The following PCDHA6 variants were observed in gnomAD, a reference collection of about 807,000 sequenced individuals.
PCDHA6 encodes protocadherin alpha-6.
PCDHA6 carries 55 observed loss-of-function variants against 60.3 expected under a neutral mutation model. That is an observed-to-expected ratio of 0.91 (90% CI 0.73 to 1.14). PCDHA6 has a LOEUF of 1.14. PCDHA6 is among the 50% of genes most tolerant of loss of function. The pLI is 0.00. For missense variants in PCDHA6, 1,327 were observed against 1,256.5 expected (o/e 1.06, Z -0.85); for synonymous variants, 652 against 557.9 (o/e 1.17, Z -2.38).
intron 1 of PCDHA6, among the ~76,000 whole-genome samples, chr5:140,893,162 G>A (rs2063851714): frequency 6.6e-6 from 1 of 152,202 alleles, no homozygotes; most frequent in Non-Finnish European, 1.5e-5. Flanking sequence ...GGATATTGAG[G>A]TTGATTCCAC....
intron 1 of PCDHA6, chr5:140,883,426 C>T: frequency 6.2e-7 from 1 of 1,614,196 alleles, no homozygotes; most frequent in Non-Finnish European, 8.5e-7. Context: ...GACAGGTCAC[C>T]TGCACCTTGA....
intron 3 of PCDHA6, among the ~76,000 whole-genome samples, chr5:141,003,770 T>A (rs1365152633): frequency 6.6e-6 from 1 of 152,246 alleles, no homozygotes; most frequent in East Asian, 1.9e-4. Flanking sequence ...TCGTATTCTG[T>A]TAAATAAACT....
chr5:140,943,719 T>G (rs1198620937), intron 1 of PCDHA6, among the ~76,000 whole-genome samples: 2 of 152,126 alleles, frequency 1.3e-5, no homozygotes, highest in African/African-American at 4.8e-5. Context: ...TTTAAAGGTC[T>G]GAGAGAATGA....
intron 1 of PCDHA6, chr5:140,864,420 G>A (rs1430010861): frequency 5.3e-5 from 8 of 152,158 alleles, no homozygotes; most frequent in African/African-American, 1.4e-4. Flanking sequence ...AGGCAGCTTC[G>A]TCCACAAACA....
At chr5:140,831,362 A>ATG (rs2150193991) in intron 1 of PCDHA6, 80,403 of 149,344 alleles carry the variant, frequency 0.54, 21,753 homozygotes, top group Middle Eastern at 0.63. Flanking sequence ...ACTATTTTGT[A>ATG]TGTGTGTGTG....
intron 1 of PCDHA6, chr5:140,866,250 C>G (rs2049240306): frequency 6.6e-6 from 1 of 152,128 alleles, no homozygotes; most frequent in South Asian, 2.1e-4. Flanking sequence ...AAATGACACC[C>G]TTCTTTCTTT....
chr5:140,904,162 A>G (rs1554191325), intron 1 of PCDHA6, among the ~76,000 whole-genome samples: 1 of 152,028 alleles, frequency 6.6e-6, no homozygotes, highest in Non-Finnish European at 1.5e-5. Context: ...CCCAGTTTGT[A>G]GTCTTTTATT....
intron 1 of PCDHA6, chr5:140,856,667 C>T: frequency 6.3e-7 from 1 of 1,597,938 alleles, no homozygotes; most frequent in Non-Finnish European, 8.6e-7. Context: ...AAATCCTCAG[C>T]TAAAGTTGTT....
chr5:140,836,543 G>A lies in PCDHA6; in HGVS notation c.2394+6058G>A, dbSNP rs1209808083. On this transcript the variant is annotated intron_variant, in intron 1 of 3. Coordinates refer to ENST00000529310, the MANE Select transcript of PCDHA6 (RefSeq NM_018909.4). ...TGCTTACCCTGCTGCTGTACACGGC[G>A]TTGCGGTGCTCAGCGCCGTCCTCTG... 3 of 1,613,702 alleles carry A rather than the reference G, an allele frequency of 1.9e-6. No homozygotes were observed. The African/African-American group carries it at 4.0e-5, about 22-fold the overall frequency.
chr5:140,828,692 G>A lies in PCDHA6; in HGVS notation c.601G>A (p.Asp201Asn), dbSNP rs1373122002. The change falls in exon 1 of 4, where the codon GAC becomes AAC. Residue 201 changes from aspartate (D) to asparagine (N), a missense_variant. Physicochemically the swap from Asp to Asn is conservative, Grantham distance 23. Transcript: ENST00000529310. ...TGGGCTCTTATTAAAGAAATCCTTG[G>A]ACAGAGAGGAAGCTCCTGCACACAA... is the stretch of plus-strand genomic sequence containing the variant. ...QIGLLLKKSL[D>N]REEAPAHNLF... is the part of the protein sequence containing the mutation. 1.2e-6 allele frequency: 2 copies of A among 1,614,198 alleles called. No homozygotes were observed. The highest frequency in any genetic ancestry group is 1.7e-6 in the Non-Finnish European group (2 of 1,180,034).
At chr5:140,896,858 A>C (rs1448787828) in intron 1 of PCDHA6, among the ~76,000 whole-genome samples, 3 of 152,192 alleles carry the variant, frequency 2.0e-5, no homozygotes, top group Non-Finnish European at 4.4e-5. Context: ...TGGGTACATA[A>C]TAAGTGTACA....
intron 1 of PCDHA6, chr5:140,855,922 T>G: frequency 8.1e-7 from 1 of 1,227,842 alleles, no homozygotes; most frequent in South Asian, 1.5e-5. Flanking sequence ...GACTAGGAAG[T>G]AGCGTCATTC....
chr5:140,846,849 G>T (rs1318319896), intron 1 of PCDHA6, among the ~76,000 whole-genome samples: 1 of 149,562 alleles, frequency 6.7e-6, no homozygotes, highest in Non-Finnish European at 1.5e-5. Flanking sequence ...ACAATGCAAG[G>T]CAAGATAATG....
chr5:140,849,560 C>T, intron 1 of PCDHA6: 1 of 1,598,572 alleles, frequency 6.3e-7, no homozygotes, highest in Non-Finnish European at 8.6e-7. Context: ...TCAAAACGCT[C>T]TCGGTTCCTG....
intron 3 of PCDHA6, among the ~76,000 whole-genome samples, chr5:141,006,559 T>C (rs2098278096): frequency 6.6e-6 from 1 of 152,134 alleles, no homozygotes; most frequent in East Asian, 1.9e-4. Flanking sequence ...TAAAGATGAC[T>C]CTGGCTACTG....
chr5:140,971,420 TGAA>T (rs782149033), intron 1 of PCDHA6, among the ~76,000 whole-genome samples: 3 of 152,112 alleles, frequency 2.0e-5, no homozygotes, highest in Non-Finnish European at 4.4e-5. Flanking sequence ...GGAAATCCAG[TGAA>T]GAACCCCAAG....
At chr5:140,878,550 A>T (rs1483801784) in intron 1 of PCDHA6, among the ~76,000 whole-genome samples, 1 of 152,212 alleles carries the variant, frequency 6.6e-6, no homozygotes, top group African/African-American at 2.4e-5. Flanking sequence ...GTTTCAGATG[A>T]TCCCAAACTT....
intron 1 of PCDHA6, among the ~76,000 whole-genome samples, chr5:140,935,679 T>C (rs2090497566): frequency 6.6e-6 from 1 of 152,190 alleles, no homozygotes; most frequent in South Asian, 2.1e-4. Context: ...GTGAAATATT[T>C]ACATGGCTCC....
chr5:140,891,426 C>A lies in PCDHA6; in HGVS notation c.2394+60941C>A, dbSNP rs76102230. On this transcript the variant is annotated intron_variant, in intron 1 of 3. Transcript: ENST00000529310. ...CCACCCCCCACTCTTGCCCCCAAGTCCCCAACGTCCATTGTATAGGATTTT... is the reference window on the plus strand; with the variant it reads ...CCACCCCCCACTCTTGCCCCCAAGTACCCAACGTCCATTGTATAGGATTTT... Among the ~76,000 whole-genome samples, 774 of 148,652 alleles carry A rather than the reference C, an allele frequency of 5.2e-3. 4 individuals are homozygous for A. Among genetic ancestry groups the A allele is most frequent in the African/African-American group, 0.018 (747 of 40,514 alleles).
Sources: allele counts gnomAD v4.1 joint callset (sites outside exome capture counted in the v4.1 genomes callset), GRCh38; gene constraint gnomAD v4.1.1; transcripts MANE v1.5; gene names NCBI Gene and HGNC (gene_info 2026-07-23, HGNC 2026-07-21).